Variants in NRG3 observed in about 807,000 individuals in gnomAD.
The protein encoded by NRG3 is pro-neuregulin-3, membrane-bound isoform.
Under a neutral mutation model 66.9 loss-of-function variants are expected in NRG3, and 31 were observed. The observed-to-expected ratio is 0.46, with a 90% CI of 0.35 to 0.63. The LOEUF is 0.63. Among genes scored for constraint, NRG3 ranks in the 20% least tolerant of loss-of-function variants. The pLI, the probability that NRG3 is intolerant of heterozygous loss-of-function variation, is 0.00. For missense variants in NRG3, 910 were observed against 878.9 expected (o/e 1.04, Z -0.45); for synonymous variants, 393 against 359.4 (o/e 1.09, Z -1.06).
intron 4 of NRG3, among the ~76,000 whole-genome samples, chr10:82,944,287 T>C (rs1339635975): frequency 4.6e-5 from 7 of 152,210 alleles, no homozygotes; most frequent in African/African-American, 1.4e-4. Flanking sequence ...TGGAAATAAT[T>C]CATTTTTGTG....
chr10:82,386,821 A>T (rs1475110258), intron 2 of NRG3, among the ~76,000 whole-genome samples: 1 of 151,950 alleles, frequency 6.6e-6, no homozygotes, highest in Non-Finnish European at 1.5e-5. Flanking sequence ...TATTTTTGAG[A>T]TGGAGGCCTG....
intron 3 of NRG3, among the ~76,000 whole-genome samples, chr10:82,796,795 G>A (rs991391919): frequency 2.6e-5 from 4 of 152,004 alleles, no homozygotes; most frequent in Non-Finnish European, 1.5e-5. Flanking sequence ...AGGAGGAGGA[G>A]GAAGAGAGGA....
intron 2 of NRG3, among the ~76,000 whole-genome samples, chr10:82,426,881 G>T (rs1216494970): frequency 6.6e-6 from 1 of 151,934 alleles, no homozygotes; most frequent in East Asian, 1.9e-4. Flanking sequence ...GAACTCCTGG[G>T]TTCAAGCAAT....
chr10:82,350,515 G>A (rs531702223), intron 1 of NRG3, among the ~76,000 whole-genome samples: 1 of 152,198 alleles, frequency 6.6e-6, no homozygotes, highest in Non-Finnish European at 1.5e-5. Flanking sequence ...TGTGCCTGGA[G>A]CTCTGAATAC....
At chr10:82,098,165 G>T (rs1184420148) in intron 1 of NRG3, among the ~76,000 whole-genome samples, 1 of 149,878 alleles carries the variant, frequency 6.7e-6, no homozygotes, top group Non-Finnish European at 1.5e-5. Context: ...GTATGTATAT[G>T]TCATATATAT....
chr10:82,778,718 T>C (rs916251781), intron 3 of NRG3, among the ~76,000 whole-genome samples: 1 of 151,324 alleles, frequency 6.6e-6, no homozygotes, highest in African/African-American at 2.4e-5. Context: ...TGGGCAGGAG[T>C]GTCTGGTCCT....
intron 2 of NRG3, among the ~76,000 whole-genome samples, chr10:82,520,394 G>C (rs1846074363): frequency 6.6e-6 from 1 of 151,910 alleles, no homozygotes; most frequent in African/African-American, 2.4e-5. Context: ...CCTGGAAATA[G>C]AAGGTTCTAG....
At chr10:82,352,562 GA>G (rs1445587784) in intron 1 of NRG3, among the ~76,000 whole-genome samples, 2 of 152,158 alleles carry the variant, frequency 1.3e-5, no homozygotes, top group Admixed American at 1.3e-4. Context: ...GTTTTGTAGA[GA>G]ACAGAAATAT....
intron 1 of NRG3, among the ~76,000 whole-genome samples, chr10:82,184,835 C>T (rs945775244): frequency 6.6e-6 from 1 of 152,120 alleles, no homozygotes; most frequent in African/African-American, 2.4e-5. Flanking sequence ...CATTGACTTA[C>T]TGTCAAAATC....
chr10:82,436,786 C>T (rs1003657122), intron 2 of NRG3, among the ~76,000 whole-genome samples: 20 of 152,108 alleles, frequency 1.3e-4, no homozygotes, highest in East Asian at 3.9e-4. Context: ...ATTTCTCCTT[C>T]GCTTATGAAG....
intron 1 of NRG3, among the ~76,000 whole-genome samples, chr10:81,997,410 G>T (rs907485771): frequency 1.3e-5 from 2 of 152,180 alleles, no homozygotes; most frequent in Non-Finnish European, 2.9e-5. Context: ...ACTCAGCTCA[G>T]ATGCCTTCTC....
chr10:81,878,175 T>C, intron 1 of NRG3: 1 of 1,260,782 alleles, frequency 7.9e-7, no homozygotes, highest in Non-Finnish European at 1.1e-6. Context: ...GTAATGATTA[T>C]TGACAGGGCC....
intron 8 of NRG3, among the ~76,000 whole-genome samples, chr10:82,982,570 T>A (rs1564693760): frequency 6.6e-6 from 1 of 152,074 alleles, no homozygotes; most frequent in East Asian, 1.9e-4. Context: ...TGGGGGGAAG[T>A]GAGGCTTGCC....
chr10:82,882,078 G>A (rs1332419231), intron 4 of NRG3, among the ~76,000 whole-genome samples: 4 of 152,034 alleles, frequency 2.6e-5, no homozygotes, highest in Non-Finnish European at 5.9e-5. Flanking sequence ...CTTTTAACAC[G>A]CCGTGATTGT....
chr10:82,490,199 C>T (rs1214732291), intron 2 of NRG3, among the ~76,000 whole-genome samples: 1 of 152,148 alleles, frequency 6.6e-6, no homozygotes, highest in East Asian at 1.9e-4. Context: ...CTGCAAAACT[C>T]TTTTAAGATG....
At chr10:82,644,918 A>G (rs74377798) in intron 2 of NRG3, among the ~76,000 whole-genome samples, 1 of 152,250 alleles carries the variant, frequency 6.6e-6, no homozygotes, top group South Asian at 2.1e-4. Flanking sequence ...GAGTGTATCC[A>G]TACCTAATTT....
intron 2 of NRG3, among the ~76,000 whole-genome samples, chr10:82,404,477 A>G (rs1218589724): frequency 6.6e-6 from 1 of 152,240 alleles, no homozygotes; most frequent in Non-Finnish European, 1.5e-5. Context: ...ACATGACTAA[A>G]TAGAGAAGCT....
chr10:82,769,101 C>T (rs1453612366), intron 3 of NRG3, among the ~76,000 whole-genome samples: 1 of 152,066 alleles, frequency 6.6e-6, no homozygotes, highest in Non-Finnish European at 1.5e-5. Context: ...TTATTTGTAA[C>T]ATTTTAACCC....
At chr10:82,780,480 CTTT>C (rs150086019) in intron 3 of NRG3, among the ~76,000 whole-genome samples, 3 of 106,088 alleles carry the variant, frequency 2.8e-5, no homozygotes, top group Non-Finnish European at 3.9e-5. Flanking sequence ...TTTTTCTTTT[CTTT>C]TTTTTTTTTT....
Sources: gnomAD v4.1 joint callset for allele counts (sites outside exome capture counted in the v4.1 genomes callset) on GRCh38, gnomAD v4.1.1 for gene constraint, MANE v1.5 for transcripts, NCBI Gene and HGNC (gene_info 2026-07-23, HGNC 2026-07-21) for gene names.